The following SMIM36 variants were observed in gnomAD, a reference collection of about 807,000 sequenced individuals.
SMIM36 encodes small integral membrane protein 36.
intron 4 of SMIM36, among the ~76,000 whole-genome samples, chr17:55,465,164 T>G (rs954197016): frequency 6.6e-6 from 1 of 152,166 alleles, no homozygotes; most frequent in African/African-American, 2.4e-5. Flanking sequence ...GAATGAGCAA[T>G]ATTAAAATTG....
chr17:55,474,324 T>A (rs994616577), intron 3 of SMIM36, among the ~76,000 whole-genome samples: 1 of 152,174 alleles, frequency 6.6e-6, no homozygotes, highest in African/African-American at 2.4e-5. Flanking sequence ...GGAGCATCCC[T>A]GCAGGGGACT....
At chr17:55,459,609 CAATT>C (rs985287980) in intron 4 of SMIM36, among the ~76,000 whole-genome samples, 2 of 152,150 alleles carry the variant, frequency 1.3e-5, no homozygotes, top group African/African-American at 2.4e-5. Context: ...GTTGATTATG[CAATT>C]ATTTGTTTAC....
chr17:55,497,260 A>C (rs1166715712), intron 1 of SMIM36, among the ~76,000 whole-genome samples: 5 of 151,510 alleles, frequency 3.3e-5, no homozygotes, highest in Non-Finnish European at 7.4e-5. Context: ...CTTCTTATTT[A>C]TTTATTTATT....
chr17:55,515,465 T>A (rs1333159417), upstream of SMIM36, among the ~76,000 whole-genome samples: 3 of 152,262 alleles, frequency 2.0e-5, no homozygotes, highest in East Asian at 3.9e-4. Flanking sequence ...TCTCAGAATG[T>A]GGCCTTATTT....
chr17:55,499,193 T>G (rs1047416486), intron 1 of SMIM36, among the ~76,000 whole-genome samples: 9 of 152,108 alleles, frequency 5.9e-5, no homozygotes, highest in African/African-American at 2.2e-4. Context: ...TTTCCTCTGA[T>G]AGGGCATCTT....
the SMIM36 span, chr17:55,526,975 AT>A: frequency 6.6e-6 from 1 of 152,170 alleles, no homozygotes; most frequent in Non-Finnish European, 1.5e-5. Context: ...TCTTAAGATC[AT>A]TTTATTATTG....
At chr17:55,452,281 TG>T (rs1459463246) in intron 4 of SMIM36, among the ~76,000 whole-genome samples, 2 of 152,074 alleles carry the variant, frequency 1.3e-5, no homozygotes, top group African/African-American at 4.8e-5. Context: ...GTGTAGAAAC[TG>T]GTAACAGCTG....
chr17:55,478,528 C>A (rs1178626520), intron 3 of SMIM36, among the ~76,000 whole-genome samples: 1 of 152,124 alleles, frequency 6.6e-6, no homozygotes. Flanking sequence ...CCACACCTGG[C>A]CTATTCCTTA....
At chr17:55,504,939 T>A (rs1341304971) in intron 1 of SMIM36, among the ~76,000 whole-genome samples, 1 of 77,050 alleles carries the variant, frequency 1.3e-5, no homozygotes, top group African/African-American at 1.0e-4. Flanking sequence ...CAGAGAATAC[T>A]ACAAACACCT....
intron 3 of SMIM36, among the ~76,000 whole-genome samples, chr17:55,474,168 C>T (rs973151871): frequency 1.5e-4 from 23 of 152,182 alleles, no homozygotes; most frequent in Non-Finnish European, 2.4e-4. Context: ...AGCTCCTGGC[C>T]AAATAAAGCC....
chr17:55,450,162 A>G (rs1054313235), exon 5 of SMIM36: 1 of 152,212 alleles, frequency 6.6e-6, no homozygotes, highest in Non-Finnish European at 1.5e-5. Context: ...AGGTAGGTTA[A>G]GATTTCAGTG....
chr17:55,527,476 C>A, the SMIM36 span, among the ~76,000 whole-genome samples: 1 of 151,896 alleles, frequency 6.6e-6, no homozygotes, highest in Non-Finnish European at 1.5e-5. Context: ...GGTCGCTAGG[C>A]CTGTGGGATC....
At chr17:55,495,679 C>T (rs974048895) in intron 1 of SMIM36, among the ~76,000 whole-genome samples, 1 of 151,528 alleles carries the variant, frequency 6.6e-6, no homozygotes, top group African/African-American at 2.4e-5. Flanking sequence ...GTGGCAAGCA[C>T]CCAAGTAGTC....
rs145294650 is a variant in SMIM36, at chr17:55,498,769, C to A, written c.*174+12110G>T. ...ATCCCAGCACTCTGGGAGGCCGAGG[C>A]GGGTGGATCACTTGAGGTCAGGAGT... On this transcript the variant is annotated intron_variant, in intron 1 of 4. Transcript: ENST00000636752. Among the ~76,000 whole-genome samples the A allele has an allele frequency of 2.4e-3, 362 of 151,780 alleles. 3 individuals are homozygous for A. The highest frequency in any genetic ancestry group is 4.1e-3 in the Admixed American group (62 of 15,232).
At chr17:55,521,323 A>T in the SMIM36 span, among the ~76,000 whole-genome samples, 2 of 152,224 alleles carry the variant, frequency 1.3e-5, no homozygotes, top group African/African-American at 4.8e-5. Context: ...AAGAACCCTT[A>T]CAAAAAATAA....
At chr17:55,454,174 T>C (rs1164050715) in intron 4 of SMIM36, 1 of 152,230 alleles carries the variant, frequency 6.6e-6, no homozygotes, top group African/African-American at 2.4e-5. Context: ...TTTGGAATAT[T>C]CATATTTAAA....
upstream of SMIM36, chr17:55,511,503 A>T (rs1333969989): frequency 2.6e-6 from 1 of 378,600 alleles, no homozygotes; most frequent in Non-Finnish European, 4.7e-6. Context: ...TGCTCGGTTT[A>T]ATAACTTAAG....
intron 1 of SMIM36, among the ~76,000 whole-genome samples, chr17:55,509,446 G>A (rs1372788123): frequency 6.6e-6 from 1 of 152,172 alleles, no homozygotes; most frequent in African/African-American, 2.4e-5. Context: ...TGGTACCTGA[G>A]TCTAAGATGA....
chr17:55,531,071 C>A, the SMIM36 span, among the ~76,000 whole-genome samples: 1 of 152,192 alleles, frequency 6.6e-6, no homozygotes, highest in Middle Eastern at 3.2e-3. Flanking sequence ...TCCTTCCAAG[C>A]CATCCTTCTG....
Sources: allele counts gnomAD v4.1 joint callset (sites outside exome capture counted in the v4.1 genomes callset), GRCh38; gene constraint gnomAD v4.1.1; transcripts MANE v1.5; gene names NCBI Gene and HGNC (gene_info 2026-07-23, HGNC 2026-07-21).